The following NAV2 variants were observed in gnomAD, a reference collection of about 807,000 sequenced individuals.
The protein encoded by NAV2 is neuron navigator 2.
A neutral mutation model predicts 223.2 loss-of-function variants in NAV2; 54 were observed. That is an observed-to-expected ratio of 0.24 (90% CI 0.19 to 0.30). The LOEUF (loss-of-function observed/expected upper bound fraction) is 0.30, where lower values mean the gene tolerates loss of function less well. Ranked by LOEUF, NAV2 falls within the 10% of genes least tolerant of loss-of-function variation. NAV2 has a pLI of 1.00. For synonymous variants in NAV2, 1,279 were observed against 1,239.3 expected (o/e 1.03, Z -0.67); for missense variants, 2,806 against 3,147.5 (o/e 0.89, Z 2.60).
intron 1 of NAV2, among the ~76,000 whole-genome samples, chr11:19,757,503 G>T (rs901076699): frequency 1.3e-5 from 2 of 152,186 alleles, no homozygotes; most frequent in Non-Finnish European, 2.9e-5. Context: ...GGTTAACTGT[G>T]TGACCTTAGG....
chr11:19,920,828 C>T (rs775898157), intron 6 of NAV2, among the ~76,000 whole-genome samples: 10 of 152,136 alleles, frequency 6.6e-5, no homozygotes, highest in Non-Finnish European at 1.3e-4. Flanking sequence ...ATTCTTTCCA[C>T]TTCATTATAA....
At chr11:19,671,555 G>A (rs1186138066) in intron 1 of NAV2, among the ~76,000 whole-genome samples, 5 of 152,116 alleles carry the variant, frequency 3.3e-5, no homozygotes, top group Admixed American at 3.3e-4. Context: ...GCTCCTTGTT[G>A]TCAGACTGAA....
chr11:20,029,055 C>T (rs1036637960), intron 11 of NAV2, among the ~76,000 whole-genome samples: 3 of 152,196 alleles, frequency 2.0e-5, no homozygotes, highest in Non-Finnish European at 4.4e-5. Flanking sequence ...AAAGCCCAGA[C>T]ATTAGAAAAT....
intron 9 of NAV2, among the ~76,000 whole-genome samples, chr11:19,946,754 G>T (rs549886777): frequency 3.4e-4 from 52 of 152,300 alleles, no homozygotes; most frequent in African/African-American, 1.3e-3. Context: ...GGATACTGTA[G>T]ACCAGCTCTA....
intron 1 of NAV2, among the ~76,000 whole-genome samples, chr11:19,685,130 C>T (rs940386452): frequency 6.6e-6 from 1 of 152,194 alleles, no homozygotes; most frequent in Non-Finnish European, 1.5e-5. Flanking sequence ...CCTGGGCCAG[C>T]CTCCAGCGAA....
intron 3 of NAV2, among the ~76,000 whole-genome samples, chr11:19,867,577 C>A (rs2062176421): frequency 6.6e-6 from 1 of 152,212 alleles, no homozygotes; most frequent in South Asian, 2.1e-4. Flanking sequence ...ATTTAGTTTG[C>A]AGCAAATTGC....
At chr11:20,053,452 G>A (rs544157026) in intron 17 of NAV2, among the ~76,000 whole-genome samples, 1 of 152,120 alleles carries the variant, frequency 6.6e-6, no homozygotes, top group Non-Finnish European at 1.5e-5. Context: ...CATTGCAGAT[G>A]TTCAATAAAT....
At chr11:19,549,181 C>A (rs966080626) in intron 1 of NAV2, among the ~76,000 whole-genome samples, 2 of 152,152 alleles carry the variant, frequency 1.3e-5, no homozygotes, top group Non-Finnish European at 2.9e-5. Context: ...AGCCAAGTGT[C>A]CACACATTCT....
upstream of NAV2, among the ~76,000 whole-genome samples, chr11:19,348,120 G>A (rs1853101242): frequency 6.6e-6 from 1 of 152,206 alleles, no homozygotes; most frequent in Admixed American, 6.5e-5. Flanking sequence ...TGTGGCGAGA[G>A]CGTCTGTCCC....
chr11:19,527,757 C>A (rs1382960613), intron 1 of NAV2, among the ~76,000 whole-genome samples: 1 of 152,106 alleles, frequency 6.6e-6, no homozygotes, highest in Non-Finnish European at 1.5e-5. Flanking sequence ...GTCTTAGGGT[C>A]CACACACTTG....
At chr11:19,576,885 G>A (rs1565065848) in intron 1 of NAV2, among the ~76,000 whole-genome samples, 4 of 152,268 alleles carry the variant, frequency 2.6e-5, no homozygotes, top group Non-Finnish European at 4.4e-5. Flanking sequence ...AGGTGTCCTG[G>A]GGTCCTTCCA....
At chr11:19,937,955 G>A (rs2153304710) in intron 7 of NAV2, among the ~76,000 whole-genome samples, 1 of 152,332 alleles carries the variant, frequency 6.6e-6, no homozygotes, top group African/African-American at 2.4e-5. Context: ...AAGCTCTCAG[G>A]AAAAGATGAC....
intron 1 of NAV2, among the ~76,000 whole-genome samples, chr11:19,376,352 G>A (rs1356244156): frequency 2.6e-5 from 4 of 152,180 alleles, no homozygotes; most frequent in Non-Finnish European, 4.4e-5. Flanking sequence ...ACATTTGGGA[G>A]TTTACAAAGC....
upstream of NAV2, among the ~76,000 whole-genome samples, chr11:19,347,608 C>G (rs1853076824): frequency 6.6e-6 from 1 of 152,176 alleles, no homozygotes; most frequent in Non-Finnish European, 1.5e-5. Context: ...GCCCTCAATG[C>G]TCCCCACTCA....
At chr11:19,794,110 A>G (rs2057734439) in intron 1 of NAV2, among the ~76,000 whole-genome samples, 1 of 152,174 alleles carries the variant, frequency 6.6e-6, no homozygotes, top group Admixed American at 6.5e-5. Context: ...ATTATTTTCT[A>G]CTGAATTCCT....
chr11:19,543,196 C>A (rs528612982), intron 1 of NAV2, among the ~76,000 whole-genome samples: 1 of 152,318 alleles, frequency 6.6e-6, no homozygotes, highest in South Asian at 2.1e-4. Flanking sequence ...TGACTTAAAG[C>A]AAATTGATTA....
intron 1 of NAV2, among the ~76,000 whole-genome samples, chr11:19,679,165 T>C (rs1032176471): frequency 6.6e-6 from 1 of 152,218 alleles, no homozygotes; most frequent in African/African-American, 2.4e-5. Context: ...GTGCAGCGGC[T>C]CACGCCTGTA....
At chr11:19,608,821 G>A (rs2135309441) in intron 1 of NAV2, among the ~76,000 whole-genome samples, 1 of 152,284 alleles carries the variant, frequency 6.6e-6, no homozygotes, top group Admixed American at 6.5e-5. Context: ...GAAAATCTAG[G>A]TGTCAGCAGG....
chr11:19,939,840 A>G, intron 8 of NAV2, 67 bp downstream of exon 8: 1 of 1,110,354 alleles, frequency 9.0e-7, no homozygotes, highest in Non-Finnish European at 1.3e-6. Context: ...ACCTGCTGGA[A>G]CAGCATGAAC....
Sources: allele counts gnomAD v4.1 joint callset (sites outside exome capture counted in the v4.1 genomes callset), GRCh38; gene constraint gnomAD v4.1.1; transcripts MANE v1.5; gene names NCBI Gene and HGNC (gene_info 2026-07-23, HGNC 2026-07-21).